Variants in KLF12 observed in about 807,000 individuals in gnomAD.
KLF12 encodes the protein KLF transcription factor 12, also known as Krueppel-like factor 12.
KLF12 carries 9 observed loss-of-function variants against 37.8 expected under a neutral mutation model. That is an observed-to-expected ratio of 0.24 (90% CI 0.14 to 0.42). KLF12 has a LOEUF of 0.42. Among genes scored for constraint, KLF12 ranks in the 10% least tolerant of loss-of-function variants. The pLI is 1.00. For missense variants in KLF12, 411 were observed against 516.0 expected, an observed-to-expected ratio of 0.80 and a Z score of 1.97; for synonymous variants, 208 against 202.1, an observed-to-expected ratio of 1.03 and a Z score of -0.25.
At chr13:73,965,012 G>C (rs543746766) in intron 2 of KLF12, among the ~76,000 whole-genome samples, 30 of 152,094 alleles carry the variant, frequency 2.0e-4, no homozygotes, top group Non-Finnish European at 3.8e-4. Context: ...ATTGCATACC[G>C]GGGTAAGCAG....
chr13:74,199,342 C>A, the KLF12 span, among the ~76,000 whole-genome samples: 3 of 152,306 alleles, frequency 2.0e-5, no homozygotes, highest in Admixed American at 2.0e-4. Context: ...TCACATTGTT[C>A]TCATTACCCA....
At chr13:73,706,539 C>G (rs141112819) in intron 7 of KLF12, among the ~76,000 whole-genome samples, 24 of 152,246 alleles carry the variant, frequency 1.6e-4, no homozygotes, top group African/African-American at 5.1e-4. Flanking sequence ...ACTCTCTTCC[C>G]CATTGATGAA....
In KLF12 at chr13:73,909,405, A is replaced by C. The variant is rs535718965; in HGVS notation, c.123+34576T>G. On this transcript the variant is annotated intron_variant, in intron 3 of 7. Transcript: ENST00000377669. Reference sequence around the variant, plus strand: ...CTGCCTCCTGAAGTACACATGATGAAGCATACAACATCAACAATAAATCTT... The same window carrying C: ...CTGCCTCCTGAAGTACACATGATGACGCATACAACATCAACAATAAATCTT... Among the ~76,000 whole-genome samples, 4 of 152,320 alleles carry C rather than the reference A, an allele frequency of 2.6e-5. No individual in the cohort carries two copies. In the South Asian group the frequency reaches 8.3e-4, roughly 32 times the overall value.
the KLF12 span, among the ~76,000 whole-genome samples, chr13:74,175,057 G>C: frequency 6.6e-6 from 1 of 152,064 alleles, no homozygotes; most frequent in African/African-American, 2.4e-5. Flanking sequence ...TGGAGCCCCG[G>C]GTGCTGCTAC....
chr13:73,984,989 G>A (rs1157221028), intron 2 of KLF12, among the ~76,000 whole-genome samples: 2 of 150,840 alleles, frequency 1.3e-5, no homozygotes, highest in Non-Finnish European at 2.9e-5. Context: ...AAATCACATG[G>A]CATCACTTCC....
chr13:73,968,767 T>C (rs1316487605), intron 2 of KLF12, among the ~76,000 whole-genome samples: 1 of 152,176 alleles, frequency 6.6e-6, no homozygotes, highest in Non-Finnish European at 1.5e-5. Flanking sequence ...ATGATTTGTC[T>C]ATTACTATCA....
chr13:73,829,968 C>T (rs1282363249), intron 4 of KLF12, among the ~76,000 whole-genome samples: 1 of 152,014 alleles, frequency 6.6e-6, no homozygotes, highest in African/African-American at 2.4e-5. Flanking sequence ...ATAGTTAAAA[C>T]TAGTGTAAAT....
At chr13:73,722,495 A>G (rs1479006248) in intron 6 of KLF12, among the ~76,000 whole-genome samples, 2 of 152,140 alleles carry the variant, frequency 1.3e-5, no homozygotes, top group African/African-American at 2.4e-5. Flanking sequence ...TACATTTACT[A>G]CCAAATCCCC....
At chr13:74,294,779 A>T in the KLF12 span, among the ~76,000 whole-genome samples, 256 of 152,190 alleles carry the variant, frequency 1.7e-3, no homozygotes, top group African/African-American at 5.9e-3. Context: ...TCTCTTCTCC[A>T]TCCCCACAGG....
At chr13:73,783,592 T>C (rs770768792) in intron 5 of KLF12, among the ~76,000 whole-genome samples, 6 of 152,128 alleles carry the variant, frequency 3.9e-5, no homozygotes, top group Non-Finnish European at 8.8e-5. Context: ...ACGTACCCTA[T>C]AAATATGTAC....
chr13:74,228,259 T>A, the KLF12 span, among the ~76,000 whole-genome samples: 1 of 152,032 alleles, frequency 6.6e-6, no homozygotes, highest in Non-Finnish European at 1.5e-5. Flanking sequence ...GAAACTATAT[T>A]ATATAGTAGA....
At chr13:73,798,234 T>C (rs1882102236) in intron 5 of KLF12, among the ~76,000 whole-genome samples, 1 of 152,160 alleles carries the variant, frequency 6.6e-6, no homozygotes, top group African/African-American at 2.4e-5. Flanking sequence ...AGAGTGAAGC[T>C]TGACCCCTTC....
chr13:74,146,319 CT>C, the KLF12 span, among the ~76,000 whole-genome samples: 94 of 152,218 alleles, frequency 6.2e-4, 1 homozygote, highest in Middle Eastern at 3.4e-3. Flanking sequence ...CTTCAATAAC[CT>C]TTATTTTTCC....
chr13:74,178,492 G>A, the KLF12 span, among the ~76,000 whole-genome samples: 3 of 152,308 alleles, frequency 2.0e-5, no homozygotes, highest in East Asian at 3.9e-4. Flanking sequence ...CTGTAATACT[G>A]TATCAATACT....
intron 1 of KLF12, among the ~76,000 whole-genome samples, chr13:74,099,811 A>G (rs1180940334): frequency 7.0e-6 from 1 of 142,900 alleles, no homozygotes; most frequent in Non-Finnish European, 1.5e-5. Context: ...TGATGCTTCA[A>G]CACAGGATAA....
chr13:73,868,818 G>T (rs923730136), intron 3 of KLF12, among the ~76,000 whole-genome samples: 3 of 152,172 alleles, frequency 2.0e-5, no homozygotes, highest in African/African-American at 7.2e-5. Context: ...ACCCAAATCT[G>T]ACACAAACTC....
At chr13:73,824,457 C>A (rs1883719521) in intron 4 of KLF12, among the ~76,000 whole-genome samples, 1 of 152,110 alleles carries the variant, frequency 6.6e-6, no homozygotes, top group Non-Finnish European at 1.5e-5. Context: ...TTTTTGAGAA[C>A]AAAATTAAGT....
At chr13:73,970,632 T>C (rs896403463) in intron 2 of KLF12, among the ~76,000 whole-genome samples, 4 of 152,146 alleles carry the variant, frequency 2.6e-5, no homozygotes, top group African/African-American at 7.2e-5. Context: ...AGGAGCATGC[T>C]AGTGCTACCA....
At chr13:73,911,854 T>C (rs372666529) in intron 3 of KLF12, among the ~76,000 whole-genome samples, 33 of 152,318 alleles carry the variant, frequency 2.2e-4, no homozygotes, top group African/African-American at 7.9e-4. Context: ...AAATACCATA[T>C]AACCTTTTCA....
Sources: allele counts gnomAD v4.1 joint callset (sites outside exome capture counted in the v4.1 genomes callset), GRCh38; gene constraint gnomAD v4.1.1; transcripts MANE v1.5; gene names NCBI Gene and HGNC (gene_info 2026-07-23, HGNC 2026-07-21).